The following PLD1 variants were observed in gnomAD, a reference collection of about 807,000 sequenced individuals.
PLD1 encodes choline phosphatase 1.
Under a neutral mutation model 137.1 loss-of-function variants are expected in PLD1, and 112 were observed. The ratio of observed to expected loss-of-function variants is 0.82; its 90% CI spans 0.70 to 0.96. The LOEUF (loss-of-function observed/expected upper bound fraction) is 0.96, where lower values mean the gene tolerates loss of function less well. Among genes scored for constraint, PLD1 ranks in the 40% least tolerant of loss-of-function variants. PLD1 has a pLI of 0.00. For synonymous variants in PLD1, 431 were observed against 454.7 expected, an observed-to-expected ratio of 0.95 and a Z score of 0.66; for missense variants, 1,321 against 1,342.0, an observed-to-expected ratio of 0.98 and a Z score of 0.24.
chr3:171,715,125 G>A (rs1163587514), intron 8 of PLD1, among the ~76,000 whole-genome samples: 1 of 152,108 alleles, frequency 6.6e-6, no homozygotes, highest in Non-Finnish European at 1.5e-5. Flanking sequence ...CATTTTATAA[G>A]AGTTCTTATA....
At chr3:171,713,776 G>T in intron 9 of PLD1, 117 bp downstream of exon 9, 1 of 820,106 alleles carries the variant, frequency 1.2e-6, no homozygotes. Context: ...GATTGAGGAT[G>T]AGCTCTAAAT....
chr3:171,751,905 G>A (rs1720690822), intron 1 of PLD1, among the ~76,000 whole-genome samples: 2 of 151,964 alleles, frequency 1.3e-5, no homozygotes, highest in Admixed American at 1.3e-4. Flanking sequence ...TGGGAAGCTG[G>A]GGCAGGAGAA....
At chr3:171,720,061 A>T (rs1325468594) in intron 8 of PLD1, among the ~76,000 whole-genome samples, 3 of 152,116 alleles carry the variant, frequency 2.0e-5, no homozygotes, top group Non-Finnish European at 4.4e-5. Flanking sequence ...TTGGAAGGCC[A>T]AGGTGGGCAG....
rs368978325 is a variant in PLD1, at chr3:171,778,710, A to C, written c.-32+31689T>G. Among the ~76,000 whole-genome samples the C allele has an allele frequency of 3.3e-5, 5 of 152,360 alleles. No individual in the cohort carries two copies. The South Asian group carries it at 1.0e-3, about 32-fold the overall frequency. Reference sequence around the variant, plus strand: ...AGGCCAGTGTAGTCAGTGCTGTGAAAGAAAGGGCAACAGTAGAGGGTGTAG... The same window carrying C: ...AGGCCAGTGTAGTCAGTGCTGTGAACGAAAGGGCAACAGTAGAGGGTGTAG... On this transcript the variant is annotated intron_variant, in intron 1 of 26. Coordinates refer to ENST00000351298, the MANE Select transcript of PLD1 (RefSeq NM_002662.5).
chr3:171,662,088 TC>T lies in PLD1; in HGVS notation c.2311del (p.Glu771ArgfsTer15). ...GATATAGATATAGTGCCTGCTGTTCTCTATCACATGGACGTAAGCGGCGTGG... is the reference window on the plus strand; with the variant it reads ...GATATAGATATAGTGCCTGCTGTTCTTATCACATGGACGTAAGCGGCGTGG... ...SIHAAYVHVI[E>X]NSRHYIYIEN... is the part of the protein sequence containing the mutation. On this transcript the variant is annotated frameshift_variant, in exon 20 of 27. Transcript: ENST00000351298. LOFTEE classifies it high-confidence loss of function. The T allele has an allele frequency of 6.2e-7, 1 of 1,609,884 alleles. No homozygotes were observed. Among genetic ancestry groups the T allele is most frequent in the Non-Finnish European group, 8.5e-7 (1 of 1,176,156 alleles).
At chr3:171,734,114 A>G (rs1446125772) in intron 5 of PLD1, among the ~76,000 whole-genome samples, 1 of 152,216 alleles carries the variant, frequency 6.6e-6, no homozygotes, top group Non-Finnish European at 1.5e-5. Context: ...TTTCAGTTGA[A>G]TTCATACATG....
chr3:171,661,417 T>TC (rs1711511063), intron 20 of PLD1, among the ~76,000 whole-genome samples: 1 of 152,218 alleles, frequency 6.6e-6, no homozygotes, highest in South Asian at 2.1e-4. Flanking sequence ...TCAGGGTTTT[T>TC]CAAGTTCTCT....
intron 1 of PLD1, among the ~76,000 whole-genome samples, chr3:171,796,170 A>G (rs1331373361): frequency 6.6e-6 from 1 of 152,228 alleles, no homozygotes; most frequent in East Asian, 1.9e-4. Context: ...AGAAGACGAA[A>G]ATGAGTAAGA....
At chr3:171,645,700 C>A (rs966348318) in intron 21 of PLD1, among the ~76,000 whole-genome samples, 1 of 151,730 alleles carries the variant, frequency 6.6e-6, no homozygotes, top group South Asian at 2.1e-4. Flanking sequence ...CTGGCTAACA[C>A]GGTGAAACCC....
intron 5 of PLD1, 61 bp downstream of exon 5, chr3:171,734,804 G>A: frequency 1.0e-6 from 1 of 964,478 alleles, no homozygotes; most frequent in East Asian, 2.4e-5. Flanking sequence ...CTCAGTAGAT[G>A]CTGTGTTTCT....
intron 16 of PLD1, among the ~76,000 whole-genome samples, chr3:171,686,066 G>T (rs1714524428): frequency 6.7e-6 from 1 of 150,018 alleles, no homozygotes; most frequent in South Asian, 2.1e-4. Context: ...GGAGGGTGCA[G>T]TGAGCCAAGA....
chr3:171,627,826 CAACAT>C (rs1456138653), intron 23 of PLD1, among the ~76,000 whole-genome samples: 1 of 152,016 alleles, frequency 6.6e-6, no homozygotes, highest in African/African-American at 2.4e-5. Flanking sequence ...AACAAAGACA[CAACAT>C]ACCAGAATCT....
Position 171,764,933 on chromosome 3 carries a change from GGA to G in PLD1, c.-31-26853_-31-26852del, listed in dbSNP as rs1721821819. 1.3e-4 allele frequency among the ~76,000 whole-genome samples: 3 copies of G among 23,710 alleles called. 1 individual carries two copies. Among genetic ancestry groups the G allele is most frequent in the African/African-American group, 4.1e-4 (3 of 7,348 alleles). 15.6% of individuals were successfully genotyped at this position (23,710 alleles called of 152,430 possible). Reference sequence around the variant, plus strand: ...GAAGGAAAGAAAGAAAGGAAAGAAAGGAAAGAAAGAAAGAAAGAAAGAAAGAA... The same window carrying G: ...GAAGGAAAGAAAGAAAGGAAAGAAAGAAGAAAGAAAGAAAGAAAGAAAGAA... On this transcript the variant is annotated intron_variant, in intron 1 of 26. Coordinates refer to ENST00000351298, the MANE Select transcript of PLD1 (RefSeq NM_002662.5).
chr3:171,676,687 A>C (rs778474620), intron 18 of PLD1, 28 bp downstream of exon 18: 43 of 1,550,100 alleles, frequency 2.8e-5, no homozygotes, highest in Non-Finnish European at 3.5e-5. Context: ...CTTCATGTGG[A>C]TAAATCATGA....
At chr3:171,784,338 A>C (rs1722907305) in intron 1 of PLD1, among the ~76,000 whole-genome samples, 1 of 151,876 alleles carries the variant, frequency 6.6e-6, no homozygotes, top group Admixed American at 6.6e-5. Context: ...TTTTAAAAAC[A>C]TGTAAGCACT....
chr3:171,745,589 G>A (rs1320590288), intron 1 of PLD1, among the ~76,000 whole-genome samples: 1 of 152,250 alleles, frequency 6.6e-6, no homozygotes, highest in Non-Finnish European at 1.5e-5. Flanking sequence ...AGAGGCACTG[G>A]CACATCCAGA....
chr3:171,693,603 C>T (rs565521177), intron 12 of PLD1, among the ~76,000 whole-genome samples: 3 of 152,162 alleles, frequency 2.0e-5, no homozygotes, highest in African/African-American at 7.2e-5. Context: ...GTATAGTTTG[C>T]ACCATTTTAA....
chr3:171,737,691 T>C (rs920806768), intron 2 of PLD1, 32 bp from the exon 3 acceptor site: 10 of 1,432,810 alleles, frequency 7.0e-6, no homozygotes, highest in Non-Finnish European at 9.6e-6. Flanking sequence ...GTTAATGCAA[T>C]ATATGATTAG....
intron 11 of PLD1, among the ~76,000 whole-genome samples, chr3:171,702,677 A>G (rs569889846): frequency 6.6e-6 from 1 of 152,304 alleles, no homozygotes; most frequent in Non-Finnish European, 1.5e-5. Context: ...CTGACTTCAT[A>G]GCTATTGAAA....
Sources: gnomAD v4.1 joint callset for allele counts (sites outside exome capture counted in the v4.1 genomes callset) on GRCh38, gnomAD v4.1.1 for gene constraint, MANE v1.5 for transcripts, NCBI Gene and HGNC (gene_info 2026-07-23, HGNC 2026-07-21) for gene names.